Variants in RPS6KA2 observed in about 807,000 individuals in gnomAD.
The protein encoded by RPS6KA2 is ribosomal protein S6 kinase A2, also known as ribosomal protein S6 kinase alpha-2.
A neutral mutation model predicts 91.8 loss-of-function variants in RPS6KA2; 42 were observed. That is an observed-to-expected ratio of 0.46 (90% CI 0.36 to 0.59). The LOEUF (loss-of-function observed/expected upper bound fraction) is 0.59, where lower values mean the gene tolerates loss of function less well. Among genes scored for constraint, RPS6KA2 ranks in the 20% least tolerant of loss-of-function variants. The pLI is 0.00. For synonymous variants in RPS6KA2, 414 were observed against 393.6 expected (o/e 1.05, Z -0.61); for missense variants, 798 against 978.5 (o/e 0.82, Z 2.46).
chr6:166,788,446 T>C (rs1212063983), intron 2 of RPS6KA2, among the ~76,000 whole-genome samples: 1 of 152,110 alleles, frequency 6.6e-6, no homozygotes, highest in Non-Finnish European at 1.5e-5. Flanking sequence ...CAAATGCCCA[T>C]CAATGATAGA....
upstream of RPS6KA2, among the ~76,000 whole-genome samples, chr6:166,630,804 C>T (rs2128545528): frequency 6.6e-6 from 1 of 152,310 alleles, no homozygotes; most frequent in South Asian, 2.1e-4. Flanking sequence ...CTGTGGATCC[C>T]CGTGTACTTG....
At chr6:166,845,177 A>G (rs556782580) in intron 2 of RPS6KA2, among the ~76,000 whole-genome samples, 2 of 152,316 alleles carry the variant, frequency 1.3e-5, no homozygotes, top group African/African-American at 4.8e-5. Context: ...TCCTAAATAT[A>G]TATGCACCTA....
In RPS6KA2 at chr6:166,510,430, C is replaced by T. The variant is rs576602742; in HGVS notation, c.299-73G>A. 3.1e-6 allele frequency: 3 copies of T among 958,068 alleles called. No homozygotes were observed. In the Admixed American group the frequency reaches 7.4e-5, roughly 24 times the overall value. 59.3% of individuals were successfully genotyped at this position (958,068 alleles called of 1,614,324 possible). On this transcript the variant is annotated intron_variant, in intron 3 of 20. Transcript: ENST00000265678. ...TCTGAGGAACACTGAACATGAAATA[C>T]TAGATATAATTCCCGCCAACTTTTC...
Position 166,562,416 on chromosome 6 carries a change from T to C in RPS6KA2, c.100-23632A>G, listed in dbSNP as rs538804604. Among the ~76,000 whole-genome samples, 144 of 152,352 alleles carry C rather than the reference T, an allele frequency of 9.5e-4. 2 individuals are homozygous for C. Among genetic ancestry groups the C allele is most frequent in the Middle Eastern group, 6.8e-3 (2 of 294 alleles). On this transcript the variant is annotated intron_variant, in intron 1 of 20. Transcript: ENST00000265678. ...AAGTATGCATTTCTATGTGCATACA[T>C]ACATAGCACACGTAGAATCAATGAA... is the stretch of plus-strand genomic sequence containing the variant.
At chr6:166,444,850 T>A (rs1779628616) in intron 14 of RPS6KA2, among the ~76,000 whole-genome samples, 1 of 152,168 alleles carries the variant, frequency 6.6e-6, no homozygotes. Flanking sequence ...AGTCCTAATT[T>A]TAGGACCGAT....
At chr6:166,646,945 C>T (rs992101428) in intron 2 of RPS6KA2, among the ~76,000 whole-genome samples, 1 of 152,202 alleles carries the variant, frequency 6.6e-6, no homozygotes, top group Non-Finnish European at 1.5e-5. Context: ...CTCAGCTGCT[C>T]GCATTCCCAC....
rs1468633918 is a variant in RPS6KA2, at chr6:166,418,106, T to A, written c.1938+119A>T. 9.2e-5 allele frequency: 61 copies of A among 664,978 alleles called. No homozygotes were observed. Among genetic ancestry groups the A allele is most frequent in the South Asian group, 1.8e-4 (9 of 50,948 alleles). The allele number at this position is 664,978 out of a possible 1,614,324, so 41.2% of individuals were successfully genotyped here. On this transcript the variant is annotated intron_variant, in intron 19 of 20. Transcript: ENST00000265678. This position sits in a 1 kb window ranked among gnomAD's most constrained non-coding sequence, Gnocchi z 4.9. ...CTCCATTTCAAGAAAAAAAAAAAAA[T>A]ATGCTGAGGATAAAATACCTATACT...
chr6:166,425,516 G>C (rs1328220505), intron 16 of RPS6KA2, among the ~76,000 whole-genome samples: 4 of 152,152 alleles, frequency 2.6e-5, no homozygotes, highest in African/African-American at 9.7e-5. Context: ...AAATTGGATA[G>C]AGTGTCAAGA....
rs140207035 is a variant in RPS6KA2, at chr6:166,735,111, C to T, written c.123+123089G>A. 6.6e-5 allele frequency among the ~76,000 whole-genome samples: 10 copies of T among 152,298 alleles called. No individual in the cohort carries two copies. The East Asian group carries it at 7.7e-4, about 12-fold the overall frequency. On this transcript the variant is annotated intron_variant, in intron 2 of 21. Coordinates refer to the RPS6KA2 transcript ENST00000503859. ...TGGAGAACTCTGAGAAGGCCCTAAG[C>T]GTGTCCATGCTGGAGAAGCTTTGGC...
At chr6:166,685,203 GACCCT>G (rs1203954104) in intron 2 of RPS6KA2, among the ~76,000 whole-genome samples, 26 of 148,034 alleles carry the variant, frequency 1.8e-4, no homozygotes, top group African/African-American at 6.6e-4. Context: ...GCTCAGGCAG[GACCCT>G]GATGGAGTGT....
At chr6:166,747,913 C>T (rs1404353941) in intron 2 of RPS6KA2, among the ~76,000 whole-genome samples, 3 of 152,154 alleles carry the variant, frequency 2.0e-5, no homozygotes, top group South Asian at 2.1e-4. Context: ...GAGAAGGCAG[C>T]GGCTGTGTAC....
intron 10 of RPS6KA2, among the ~76,000 whole-genome samples, chr6:166,487,932 T>C (rs111244395): frequency 2.6e-5 from 4 of 152,342 alleles, no homozygotes; most frequent in African/African-American, 4.8e-5. Context: ...TTCCCTGCAA[T>C]GGAAGCTGAT....
chr6:166,520,613 G>T (rs1276877651), intron 3 of RPS6KA2, among the ~76,000 whole-genome samples: 1 of 152,198 alleles, frequency 6.6e-6, no homozygotes, highest in Admixed American at 6.5e-5. Flanking sequence ...TAAAACCTAA[G>T]AATGTAGAAG....
At chr6:166,782,915 G>C (rs6456127) in intron 2 of RPS6KA2, among the ~76,000 whole-genome samples, 1 of 151,746 alleles carries the variant, frequency 6.6e-6, no homozygotes, top group Non-Finnish European at 1.5e-5. Context: ...GCCACCCCAG[G>C]CTTGTCTAAT....
rs553072612 is a variant in RPS6KA2 at position 166,664,042 on chromosome 6, T to C, written c.124-125258A>G. On this transcript the variant is annotated intron_variant, in intron 2 of 21. Coordinates refer to the RPS6KA2 transcript ENST00000503859. The stretch of plus-strand genomic sequence containing the variant: ...TTCAGTCATGGTTGAAAGTGCTTTA[T>C]AAACATTAAGTGTCATAGAGGAAAT... 3.9e-5 allele frequency among the ~76,000 whole-genome samples: 6 copies of C among 152,378 alleles called. No homozygotes were observed. In the South Asian group the frequency reaches 8.3e-4, roughly 21 times the overall value.
intron 1 of RPS6KA2, among the ~76,000 whole-genome samples, chr6:166,568,074 A>C (rs766537292): frequency 3.3e-5 from 5 of 152,182 alleles, no homozygotes; most frequent in Admixed American, 6.5e-5. Flanking sequence ...GCCCTTGGAC[A>C]TCCTGCTCTC....
At position 166,459,937 on chromosome 6, in the gene RPS6KA2, G is replaced by A. The variant is rs62438444; in HGVS notation, c.973-386C>T. On this transcript the variant is annotated intron_variant, in intron 11 of 20. Transcript: ENST00000265678. This position sits in a 1 kb window ranked among gnomAD's most constrained non-coding sequence, Gnocchi z 4.9. ...ACAGCCACCACTTGCCCCCACTGGG[G>A]ACAGCAGTGAAGAGGCCGTGTGGCT... 0.012 allele frequency among the ~76,000 whole-genome samples: 1,855 copies of A among 152,278 alleles called. 19 individuals are homozygous for A. The highest frequency in any genetic ancestry group is 0.019 in the Non-Finnish European group (1,324 of 68,016).
intron 2 of RPS6KA2, among the ~76,000 whole-genome samples, chr6:166,712,728 C>T (rs1015675437): frequency 1.1e-4 from 16 of 152,204 alleles, no homozygotes; most frequent in African/African-American, 3.9e-4. Context: ...CTGTGTCCCT[C>T]GATGTCTGGA....
intron 2 of RPS6KA2, among the ~76,000 whole-genome samples, chr6:166,700,228 A>G (rs531973681): frequency 6.6e-6 from 1 of 152,360 alleles, no homozygotes; most frequent in Admixed American, 6.5e-5. Context: ...TACCATCAGA[A>G]ACTTTCTCAA....
Sources: allele counts gnomAD v4.1 joint callset (sites outside exome capture counted in the v4.1 genomes callset), GRCh38; gene constraint gnomAD v4.1.1; non-coding constraint Gnocchi (gnomAD v3.1); transcripts MANE v1.5; gene names NCBI Gene and HGNC (gene_info 2026-07-23, HGNC 2026-07-21).